Variants in PMP22 observed in about 807,000 individuals in gnomAD.
PMP22 encodes the protein peripheral myelin protein 22, also known as Charcot-Marie-Tooth neuropathy 1A (greatly reduced nerve conduction velocity, hereditary motor sensory neuropathy Ia).
Under a neutral mutation model 18.9 loss-of-function variants are expected in PMP22, and 2 were observed. That is an observed-to-expected ratio of 0.11 (90% CI 0.04 to 0.33). The LOEUF (loss-of-function observed/expected upper bound fraction) is 0.33. Among genes scored for constraint, PMP22 ranks in the 10% least tolerant of loss-of-function variants. The pLI, the probability that PMP22 is intolerant of heterozygous loss-of-function variation, is 1.00. For synonymous variants in PMP22, 95 were observed against 89.2 expected (o/e 1.07, Z -0.37); for missense variants, 169 against 202.2 (o/e 0.84, Z 1.00).
In PMP22 at chr17:15,260,668, G is replaced by T. The variant is rs1436741083; in HGVS notation, c.60C>A (p.Phe20Leu). The change falls in exon 2 of 5, where the codon TTC becomes TTA. Residue 20 changes from phenylalanine (F) to leucine (L), a missense_variant. Transcript: ENST00000312280. The part of the protein sequence containing the change: ...VLHVAVLVLL[F>L]VSTIVSQWIV... The stretch of plus-strand genomic sequence containing the variant: ...CACTCACGCTGACGATCGTGGAGAC[G>T]AACAGCAGCACCAGCACCGCGACGT... 6.4e-7 allele frequency: 1 copy of T among 1,552,804 alleles called. No homozygotes were observed. Among genetic ancestry groups the T allele is most frequent in the Non-Finnish European group, 8.7e-7 (1 of 1,147,550 alleles).
intron 2 of PMP22, 62 bp downstream of exon 2, chr17:15,260,588 G>A (rs1327399308): frequency 1.8e-5 from 24 of 1,350,572 alleles, no homozygotes; most frequent in African/African-American, 4.3e-5. Context: ...GCAGGAGCAC[G>A]GGCTGGGAAC....
chr17:15,253,446 T>C (rs1351282019), intron 3 of PMP22, among the ~76,000 whole-genome samples: 1 of 152,132 alleles, frequency 6.6e-6, no homozygotes, highest in African/African-American at 2.4e-5. Context: ...TACCGATGCA[T>C]TTCTACCTTG....
At position 15,245,655 on chromosome 17, in the gene PMP22, G is replaced by C. The variant is rs901948737; in HGVS notation, c.179-6044C>G. ...CAGGGTAAACAAGCATTTACAGGCT[G>C]TTATTGAGGGGCCAGGTTCTGGAGC... On this transcript the variant is annotated intron_variant, in intron 3 of 4. Coordinates refer to ENST00000312280, the MANE Select transcript of PMP22 (RefSeq NM_000304.4). Among the ~76,000 whole-genome samples, 14 of 152,278 alleles carry C rather than the reference G, an allele frequency of 9.2e-5. No homozygotes were observed. In the East Asian group the frequency reaches 2.7e-3, roughly 29 times the overall value.
chr17:15,260,255 G>T, intron 2 of PMP22: 1 of 284,178 alleles, frequency 3.5e-6, no homozygotes, highest in Admixed American at 4.6e-5. Flanking sequence ...TCCTAAAAGG[G>T]TGTTTTATAA....
Position 15,230,510 on chromosome 17 carries a change from G to A in PMP22, c.*407C>T, listed in dbSNP as rs1046933604. On this transcript the variant is annotated 3_prime_UTR_variant, in exon 5 of 5. Coordinates refer to ENST00000312280, the MANE Select transcript of PMP22 (RefSeq NM_000304.4). ...TCTAAATGAGGTGGACTGGGAGGGA[G>A]GTATCTTCTTTCAGATGAAAGGGAA... The A allele has an allele frequency of 5.0e-5, 11 of 221,062 alleles. No individual in the cohort carries two copies. The highest frequency in any genetic ancestry group is 9.1e-5 in the Non-Finnish European group (10 of 109,534). The allele number at this position is 221,062 out of a possible 1,614,324, so 13.7% of individuals were successfully genotyped here. A position where few individuals can be genotyped will look rare whatever the true frequency, so the allele number is the denominator to read the frequency against.
intron 3 of PMP22, among the ~76,000 whole-genome samples, chr17:15,249,004 T>A (rs1338378421): frequency 6.6e-6 from 1 of 152,132 alleles, no homozygotes; most frequent in Non-Finnish European, 1.5e-5. Flanking sequence ...TTAGGAGGAA[T>A]TCTCCCCATA....
intron 4 of PMP22, chr17:15,235,314 C>A: frequency 1.4e-6 from 1 of 717,464 alleles, no homozygotes; most frequent in Non-Finnish European, 2.6e-6. Flanking sequence ...ATCTAATCAT[C>A]CAACCAATAA....
chr17:15,256,623 C>G (rs553178553), intron 3 of PMP22, among the ~76,000 whole-genome samples: 1 of 152,268 alleles, frequency 6.6e-6, no homozygotes, highest in South Asian at 2.1e-4. Context: ...TTCACACTTG[C>G]AACATATTCT....
chr17:15,261,207 G>C lies in PMP22; in HGVS notation c.-34-446C>G, dbSNP rs1489072388. On this transcript the variant is annotated intron_variant, in intron 1 of 4. Coordinates refer to ENST00000312280, the MANE Select transcript of PMP22 (RefSeq NM_000304.4). This position sits in a 1 kb window ranked among gnomAD's most constrained non-coding sequence, Gnocchi z 5.2. Reference sequence around the variant, plus strand: ...CCTATGGGGTGGAGGTAGGGGTGAGGGGAGTAGGTGCCCAGATTTCCGTCT... The same window carrying C: ...CCTATGGGGTGGAGGTAGGGGTGAGCGGAGTAGGTGCCCAGATTTCCGTCT... The C allele has an allele frequency of 6.5e-6, 1 of 153,544 alleles. No homozygotes were observed. Among genetic ancestry groups the C allele is most frequent in the African/African-American group, 2.4e-5 (1 of 41,476 alleles). 9.5% of individuals were successfully genotyped at this position (153,544 alleles called of 1,614,324 possible). A position where few individuals can be genotyped will look rare whatever the true frequency, so the allele number is the denominator to read the frequency against.
At chr17:15,236,301 A>G (rs1414289306) in intron 4 of PMP22, among the ~76,000 whole-genome samples, 1 of 152,138 alleles carries the variant, frequency 6.6e-6, no homozygotes, top group Non-Finnish European at 1.5e-5. Context: ...GGAGACAGAC[A>G]ACTCCCAAAC....
chr17:15,242,057 G>A lies in PMP22; in HGVS notation c.179-2446C>T, dbSNP rs555962236. Among the ~76,000 whole-genome samples the A allele has an allele frequency of 1.8e-3, 274 of 152,084 alleles. 1 individual carries two copies. Among genetic ancestry groups the A allele is most frequent in the African/African-American group, 6.3e-3 (261 of 41,496 alleles). ...ACTTGAGGCCAGGAGTTCAAGACCA[G>A]CCTGGCCAACATGCCAAAACCCCAT... On this transcript the variant is annotated intron_variant, in intron 3 of 4. Transcript: ENST00000312280.
Position 15,239,271 on chromosome 17 carries a change from G to A in PMP22, c.319+200C>T, listed in dbSNP as rs75162816. The A allele has an allele frequency of 0.017, 10,767 of 648,124 alleles. 122 individuals are homozygous for A. The highest frequency in any genetic ancestry group is 0.037 in the Middle Eastern group (95 of 2,586). The allele number at this position is 648,124 out of a possible 1,614,324, so 40.1% of individuals were successfully genotyped here. On this transcript the variant is annotated intron_variant, in intron 4 of 4. Coordinates refer to ENST00000312280, the MANE Select transcript of PMP22 (RefSeq NM_000304.4). Reference sequence around the variant, plus strand: ...GCATCTCATTCCAGGGAGAAGGGGAGAGTTCTAAGTCCCAAGTTCTAAGAC... The same window carrying A: ...GCATCTCATTCCAGGGAGAAGGGGAAAGTTCTAAGTCCCAAGTTCTAAGAC...
rs1259377809 is a variant in PMP22, at chr17:15,258,545, T to G, written c.178+549A>C. ...TTAGCTTAGGGTTTTGCAAATAGCT[T>G]CAAGTCCCCATCTTGCAACAAGGAA... On this transcript the variant is annotated intron_variant, in intron 3 of 4. Coordinates refer to ENST00000312280, the MANE Select transcript of PMP22 (RefSeq NM_000304.4). This position sits in a 1 kb window ranked among gnomAD's most constrained non-coding sequence, Gnocchi z 4.1. 6.6e-6 allele frequency among the ~76,000 whole-genome samples: 1 copy of G among 152,162 alleles called. No individual in the cohort carries two copies. Among genetic ancestry groups the G allele is most frequent in the Non-Finnish European group, 1.5e-5 (1 of 68,022 alleles).
At chr17:15,254,459 C>T (rs1443666053) in intron 3 of PMP22, among the ~76,000 whole-genome samples, 3 of 152,172 alleles carry the variant, frequency 2.0e-5, no homozygotes, top group Non-Finnish European at 2.9e-5. Context: ...TCAAGGCAGA[C>T]TCTAGATGTT....
At position 15,265,152 on chromosome 17, in the gene PMP22, AC is replaced by A. The variant is rs1359311662; in HGVS notation, c.-35+1del. On this transcript the variant is annotated splice_donor_variant, in intron 1 of 4. Coordinates refer to ENST00000312280, the MANE Select transcript of PMP22 (RefSeq NM_000304.4). LOFTEE classifies it low-confidence loss of function (5UTR_SPLICE). The stretch of plus-strand genomic sequence containing the variant: ...GAGGCACAGTTTGCCAATAAAACTC[AC>A]CCGGCCAAACAGCGTAACCCCTTCT... 1 of 152,056 alleles carries A rather than the reference AC, an allele frequency of 6.6e-6. No individual in the cohort carries two copies. Among genetic ancestry groups the A allele is most frequent in the African/African-American group, 2.4e-5 (1 of 41,378 alleles). 9.4% of individuals were successfully genotyped at this position (152,056 alleles called of 1,614,324 possible). A position where few individuals can be genotyped will look rare whatever the true frequency, so the allele number is the denominator to read the frequency against.
chr17:15,252,460 G>T (rs2150697546), intron 3 of PMP22, among the ~76,000 whole-genome samples: 1 of 152,256 alleles, frequency 6.6e-6, no homozygotes, highest in African/African-American at 2.4e-5. Context: ...AGAGTAGTAA[G>T]TGGTCATCTT....
In PMP22 at chr17:15,251,121, G is replaced by A. The variant is rs573749401; in HGVS notation, c.178+7973C>T. Among the ~76,000 whole-genome samples, 37 of 152,102 alleles carry A rather than the reference G, an allele frequency of 2.4e-4. 1 individual carries two copies. The South Asian group carries it at 7.3e-3, about 30-fold the overall frequency. On this transcript the variant is annotated intron_variant, in intron 3 of 4. Transcript: ENST00000312280. ...ACCCTCCTTTCTTCAGCTAACTCAG[G>A]GCCTTGGTTCTTCCCTTTACCTCCT... is the stretch of plus-strand genomic sequence containing the variant.
chr17:15,249,680 G>C (rs1028896488), intron 3 of PMP22, among the ~76,000 whole-genome samples: 1 of 152,168 alleles, frequency 6.6e-6, no homozygotes, highest in Non-Finnish European at 1.5e-5. Context: ...ACCAGCACCA[G>C]AGAAGCCACT....
chr17:15,241,173 A>AT (rs1440518824), intron 3 of PMP22, among the ~76,000 whole-genome samples: 1 of 150,506 alleles, frequency 6.6e-6, no homozygotes, highest in Non-Finnish European at 1.5e-5. Flanking sequence ...TGCTTCTTTC[A>AT]TTTTTTCAAT....
Sources: gnomAD v4.1 joint callset for allele counts (sites outside exome capture counted in the v4.1 genomes callset) on GRCh38, gnomAD v4.1.1 for gene constraint, Gnocchi (gnomAD v3.1) non-coding constraint, MANE v1.5 for transcripts, NCBI Gene and HGNC (gene_info 2026-07-23, HGNC 2026-07-21) for gene names.